Variants in PARD3 observed in about 807,000 individuals in gnomAD.
PARD3 encodes the protein partitioning defective 3 homolog.
A neutral mutation model predicts 155.4 loss-of-function variants in PARD3; 75 were observed. That is an observed-to-expected ratio of 0.48 (90% CI 0.40 to 0.58). PARD3 has a LOEUF of 0.58. PARD3 is among the 20% of genes least tolerant of loss of function. The probability of loss-of-function intolerance (pLI) is 0.00; values close to 1 mark genes in which losing one functional copy is unlikely to be tolerated. For synonymous variants in PARD3, 576 were observed against 610.5 expected (o/e 0.94, Z 0.83); for missense variants, 1,642 against 1,721.7 (o/e 0.95, Z 0.82).
intron 22 of PARD3, among the ~76,000 whole-genome samples, chr10:34,229,336 G>T (rs1370764685): frequency 6.6e-6 from 1 of 151,970 alleles, no homozygotes; most frequent in Non-Finnish European, 1.5e-5. Context: ...CTCCCACCTT[G>T]GCCTCCTGAG....
At chr10:34,500,640 G>C (rs1417054604) in intron 3 of PARD3, among the ~76,000 whole-genome samples, 2 of 152,120 alleles carry the variant, frequency 1.3e-5, no homozygotes, top group African/African-American at 2.4e-5. Context: ...TACTCAGGAG[G>C]CTGAGGTGGG....
intron 22 of PARD3, among the ~76,000 whole-genome samples, chr10:34,225,929 C>T (rs915543929): frequency 2.6e-5 from 4 of 151,914 alleles, no homozygotes; most frequent in Non-Finnish European, 5.9e-5. Context: ...CAAAAGACAA[C>T]AGTAAGTAAA....
At chr10:34,408,264 CAAGT>C (rs1199620554) in intron 5 of PARD3, among the ~76,000 whole-genome samples, 2 of 151,494 alleles carry the variant, frequency 1.3e-5, no homozygotes, top group Non-Finnish European at 2.9e-5. Flanking sequence ...TATTTTCTGT[CAAGT>C]GTTTTTAAAA....
At chr10:34,781,276 T>C (rs1588716041) in intron 1 of PARD3, among the ~76,000 whole-genome samples, 1 of 152,220 alleles carries the variant, frequency 6.6e-6, no homozygotes, top group African/African-American at 2.4e-5. Flanking sequence ...AGCTGCGGTA[T>C]TTCACTTGCC....
At chr10:34,370,123 G>A (rs1323400584) in intron 12 of PARD3, among the ~76,000 whole-genome samples, 12 of 152,064 alleles carry the variant, frequency 7.9e-5, no homozygotes, top group African/African-American at 1.9e-4. Flanking sequence ...GTGAGAGCAC[G>A]CATAAAAAAT....
chr10:34,592,059 T>G (rs1390429122), intron 2 of PARD3, among the ~76,000 whole-genome samples: 4 of 152,170 alleles, frequency 2.6e-5, no homozygotes, highest in African/African-American at 9.7e-5. Context: ...AAAATTTCTT[T>G]CCTAAACCTT....
intron 1 of PARD3, among the ~76,000 whole-genome samples, chr10:34,811,165 A>C (rs943123862): frequency 6.6e-6 from 1 of 152,060 alleles, no homozygotes; most frequent in African/African-American, 2.4e-5. Context: ...AACCTCATCT[A>C]AGGTTGCTCA....
chr10:34,699,632 T>C (rs2094237414), intron 1 of PARD3, among the ~76,000 whole-genome samples: 1 of 152,234 alleles, frequency 6.6e-6, no homozygotes, highest in African/African-American at 2.4e-5. Context: ...GAATCTCTAC[T>C]GTCCAGTCCA....
chr10:34,745,240 G>A (rs74588812), intron 1 of PARD3, among the ~76,000 whole-genome samples: 1,839 of 152,190 alleles, frequency 0.012, 31 homozygotes, highest in African/African-American at 0.042. Flanking sequence ...GCATGAGCCT[G>A]TAGTCCCAGA....
intron 9 of PARD3, among the ~76,000 whole-genome samples, chr10:34,380,737 A>G (rs1299254784): frequency 6.6e-6 from 1 of 152,152 alleles, no homozygotes; most frequent in African/African-American, 2.4e-5. Flanking sequence ...TTTTTGAAAA[A>G]CCATAATTAA....
intron 19 of PARD3, among the ~76,000 whole-genome samples, chr10:34,318,014 C>T (rs940933781): frequency 6.6e-6 from 1 of 152,190 alleles, no homozygotes; most frequent in Non-Finnish European, 1.5e-5. Context: ...GGCGGCTGAA[C>T]AGAGGTAGAG....
intron 2 of PARD3, among the ~76,000 whole-genome samples, chr10:34,661,613 G>A (rs1044874981): frequency 5.3e-5 from 8 of 152,234 alleles, no homozygotes; most frequent in Admixed American, 3.3e-4. Context: ...ATAGAATAAA[G>A]GGGGAAGAAG....
At chr10:34,122,569 C>T (rs1947065449) in intron 23 of PARD3, among the ~76,000 whole-genome samples, 1 of 152,114 alleles carries the variant, frequency 6.6e-6, no homozygotes, top group Non-Finnish European at 1.5e-5. Flanking sequence ...ATTGGCTTCA[C>T]CATTAATAGT....
chr10:34,177,446 T>C (rs747225736), intron 22 of PARD3, among the ~76,000 whole-genome samples: 1 of 152,120 alleles, frequency 6.6e-6, no homozygotes, highest in Non-Finnish European at 1.5e-5. Context: ...CCAAATCAGT[T>C]TGACAAGTAT....
rs549887324 is a variant in PARD3 at position 34,650,803 on chromosome 10, G to A, written c.222+45515C>T. Among the ~76,000 whole-genome samples, 14 of 152,176 alleles carry A rather than the reference G, an allele frequency of 9.2e-5. No homozygotes were observed. In the South Asian group the frequency reaches 2.9e-3, roughly 32 times the overall value. On this transcript the variant is annotated intron_variant, in intron 2 of 24. Coordinates refer to ENST00000374788, the MANE Select transcript of PARD3 (RefSeq NM_001184785.2). ...GAGGTGGCCGGATCACCTGAGGTCA[G>A]GAGTTCAAGACCAGCCTGACCAACA... is the stretch of plus-strand genomic sequence containing the variant.
Position 34,279,141 on chromosome 10 carries a change from C to CTTTTT in PARD3, c.3176+4989_3176+4993dup, listed in dbSNP as rs143467605. ...CTCAAGTATTCATCTATATTTTTTC[C>CTTTTT]TTTTTTTTTTTTTTTTTTTTTTAGA... is the stretch of plus-strand genomic sequence containing the variant. On this transcript the variant is annotated intron_variant, in intron 21 of 24. Transcript: ENST00000374788. Among the ~76,000 whole-genome samples the CTTTTT allele has an allele frequency of 8.1e-4, 83 of 102,026 alleles. 5 individuals carry two copies. The highest frequency in any genetic ancestry group is 2.7e-3 in the African/African-American group (66 of 24,276). 66.9% of individuals were successfully genotyped at this position (102,026 alleles called of 152,430 possible). A position where few individuals can be genotyped will look rare whatever the true frequency, so the allele number is the denominator to read the frequency against.
intron 2 of PARD3, among the ~76,000 whole-genome samples, chr10:34,570,491 C>T (rs932549877): frequency 2.6e-5 from 4 of 152,014 alleles, no homozygotes; most frequent in Admixed American, 6.6e-5. Context: ...AATTTTTTAC[C>T]CTAATGCTGC....
intron 4 of PARD3, among the ~76,000 whole-genome samples, chr10:34,457,240 C>A (rs1187628171): frequency 3.9e-5 from 6 of 152,184 alleles, no homozygotes. Flanking sequence ...CAGGTCTGAT[C>A]AAACTAAAAC....
chr10:34,743,504 T>A (rs990894024), intron 1 of PARD3, among the ~76,000 whole-genome samples: 2 of 152,092 alleles, frequency 1.3e-5, no homozygotes, highest in African/African-American at 4.8e-5. Flanking sequence ...AACCTCACAC[T>A]TATCTTTCAG....
Sources: gnomAD v4.1 joint callset for allele counts (sites outside exome capture counted in the v4.1 genomes callset) on GRCh38, gnomAD v4.1.1 for gene constraint, MANE v1.5 for transcripts, NCBI Gene and HGNC (gene_info 2026-07-23, HGNC 2026-07-21) for gene names.